The following DNAH6 variants were observed in gnomAD, a reference collection of about 807,000 sequenced individuals.
DNAH6 encodes the protein dynein axonemal heavy chain 6.
DNAH6 carries 340 observed loss-of-function variants against 491.4 expected under a neutral mutation model. That is an observed-to-expected ratio of 0.69 (90% confidence interval 0.63 to 0.76). The LOEUF (loss-of-function observed/expected upper bound fraction) is 0.76. Among genes scored for constraint, DNAH6 ranks in the 30% least tolerant of loss-of-function variants. The pLI is 0.00. For synonymous variants in DNAH6, 1,603 were observed against 1,686.1 expected (o/e 0.95, Z 1.21); for missense variants, 4,443 against 4,972.2 (o/e 0.89, Z 3.20).
At chr2:84,493,159 A>G in the DNAH6 span, among the ~76,000 whole-genome samples, 2,241 of 152,302 alleles carry the variant, frequency 0.015, 36 homozygotes, top group Middle Eastern at 0.092. Flanking sequence ...AAACACAGGT[A>G]GAAGTCTGGA....
At chr2:84,461,964 T>C in the DNAH6 span, among the ~76,000 whole-genome samples, 9 of 152,290 alleles carry the variant, frequency 5.9e-5, no homozygotes, top group East Asian at 1.2e-3. Flanking sequence ...ATTCACTGTA[T>C]GAGGGTGTGA....
At chr2:84,593,347 T>C (rs1479393475) in intron 16 of DNAH6, among the ~76,000 whole-genome samples, 1 of 152,150 alleles carries the variant, frequency 6.6e-6, no homozygotes, top group Non-Finnish European at 1.5e-5. Context: ...ATTCCTAATG[T>C]CAAAGCACAA....
At chr2:84,786,731 T>C (rs1011717055) in intron 67 of DNAH6, among the ~76,000 whole-genome samples, 2 of 152,230 alleles carry the variant, frequency 1.3e-5, no homozygotes, top group East Asian at 3.9e-4. Flanking sequence ...CAAAAAAATA[T>C]GATTCTGTGT....
intron 4 of DNAH6, among the ~76,000 whole-genome samples, chr2:84,540,550 G>A (rs1013541094): frequency 2.0e-5 from 3 of 152,042 alleles, no homozygotes; most frequent in Non-Finnish European, 4.4e-5. Context: ...GATTTCAGGA[G>A]GAGAAAAAAT....
intron 30 of DNAH6, among the ~76,000 whole-genome samples, chr2:84,636,111 T>C (rs1688854267): frequency 6.6e-6 from 1 of 152,200 alleles, no homozygotes; most frequent in African/African-American, 2.4e-5. Flanking sequence ...TCTCCCTGTC[T>C]GTAGCCTGTC....
In DNAH6 at chr2:84,616,869, T is replaced by C; in HGVS notation, c.3476-17T>C. On this transcript the variant is annotated splice_polypyrimidine_tract_variant and intron_variant, in intron 22 of 76. Transcript: ENST00000389394. ...TTTAACACAGTTTTACCAATACTATTTTTTTTTAATGAACAGGACTTCTGG... is the reference window on the plus strand; with the variant it reads ...TTTAACACAGTTTTACCAATACTATCTTTTTTTAATGAACAGGACTTCTGG... 1 of 1,383,566 alleles carries C rather than the reference T, an allele frequency of 7.2e-7. No homozygotes were observed. The highest frequency in any genetic ancestry group is 9.5e-7 in the Non-Finnish European group (1 of 1,049,568). The allele number at this position is 1,383,566 out of a possible 1,614,324, so 85.7% of individuals were successfully genotyped here.
Position 84,669,573 on chromosome 2 carries a change from C to T in DNAH6, c.6306+63C>T, listed in dbSNP as rs754417013. On this transcript the variant is annotated intron_variant, in intron 38 of 76. Transcript: ENST00000389394. ...TGTGAGGGCATGATGGACTTAGAAT[C>T]GTTAGCACCAGAAGTAATATTATTT... 7 of 1,326,166 alleles carry T rather than the reference C, an allele frequency of 5.3e-6. No homozygotes were observed. The East Asian group carries it at 7.5e-5, about 14-fold the overall frequency. The allele number at this position is 1,326,166 out of a possible 1,614,324, so 82.1% of individuals were successfully genotyped here. A position where few individuals can be genotyped will look rare whatever the true frequency, so the allele number is the denominator to read the frequency against.
chr2:84,725,209 T>A (rs1307652928), intron 60 of DNAH6, among the ~76,000 whole-genome samples: 1 of 152,206 alleles, frequency 6.6e-6, no homozygotes. Flanking sequence ...CTTCAGATAG[T>A]CAAACAATTC....
chr2:84,753,827 AT>A (rs373380346), intron 63 of DNAH6, among the ~76,000 whole-genome samples: 3,221 of 131,054 alleles, frequency 0.025, 36 homozygotes, highest in African/African-American at 0.055. Context: ...TTTTGAGTTA[AT>A]TTTTTTTTTT....
At chr2:84,608,380 T>C (rs1219890041) in intron 21 of DNAH6, among the ~76,000 whole-genome samples, 1 of 152,208 alleles carries the variant, frequency 6.6e-6, no homozygotes, top group African/African-American at 2.4e-5. Flanking sequence ...CTATGGCAGA[T>C]ATAGCCTTAC....
chr2:84,584,758 C>T (rs1367606288), intron 15 of DNAH6: 1 of 153,190 alleles, frequency 6.5e-6, no homozygotes, highest in African/African-American at 2.4e-5. Context: ...TTGCTTAATA[C>T]CTGGGTGATG....
chr2:84,597,702 A>T (rs187993458), intron 18 of DNAH6, among the ~76,000 whole-genome samples: 1 of 152,244 alleles, frequency 6.6e-6, no homozygotes, highest in East Asian at 1.9e-4. Context: ...AAAGTAGGGG[A>T]AAAAACAAAT....
chr2:84,637,495 T>A, intron 31 of DNAH6, 118 bp downstream of exon 31: 1 of 1,100,076 alleles, frequency 9.1e-7, no homozygotes, highest in Non-Finnish European at 1.2e-6. Flanking sequence ...TACACATTAT[T>A]AAGTGTAGAT....
chr2:84,632,768 T>C (rs1475070599), intron 29 of DNAH6, among the ~76,000 whole-genome samples: 3 of 152,232 alleles, frequency 2.0e-5, no homozygotes, highest in Non-Finnish European at 2.9e-5. Flanking sequence ...TATCTCTGAC[T>C]AATCCCTTTT....
At chr2:84,526,218 G>C (rs1676590295) in intron 3 of DNAH6, among the ~76,000 whole-genome samples, 1 of 151,702 alleles carries the variant, frequency 6.6e-6, no homozygotes, top group Admixed American at 6.6e-5. Flanking sequence ...AATATCTCTA[G>C]ATAACTGAAG....
chr2:84,724,617 G>A (rs1037020453), intron 60 of DNAH6, among the ~76,000 whole-genome samples: 3 of 152,200 alleles, frequency 2.0e-5, no homozygotes, highest in Admixed American at 6.5e-5. Flanking sequence ...AAATTCTCCA[G>A]CAAAGCCTGC....
Position 84,552,963 on chromosome 2 carries a change from C to T in DNAH6, c.1531C>T (p.Pro511Ser). Residue 511 changes from proline (P) to serine (S), a missense_variant, in exon 10 of 77, where the codon CCC (proline) becomes TCC (serine). Transcript: ENST00000389394. ...GCAAGAAGAAGATGAATCTCTCATC[C>T]CCATGTTTCTCACAGAACTAATGTT... ...EKQEEDESLI[P>S]MFLTELMLTV... is the part of the protein sequence containing the mutation. 6.2e-7 allele frequency: 1 copy of T among 1,612,126 alleles called. No homozygotes were observed. Among genetic ancestry groups the T allele is most frequent in the East Asian group, 2.2e-5 (1 of 44,712 alleles).
intron 61 of DNAH6, among the ~76,000 whole-genome samples, chr2:84,729,931 G>A (rs1698986356): frequency 6.6e-6 from 1 of 152,116 alleles, no homozygotes; most frequent in South Asian, 2.1e-4. Context: ...CAACTTCCAT[G>A]CATAAAACTT....
chr2:84,708,428 A>G (rs1415960892), intron 54 of DNAH6, among the ~76,000 whole-genome samples: 4 of 142,236 alleles, frequency 2.8e-5, no homozygotes, highest in African/African-American at 5.1e-5. Flanking sequence ...CTGAGCAGCA[A>G]GAGCAAAACT....
Sources: gnomAD v4.1 joint callset for allele counts (sites outside exome capture counted in the v4.1 genomes callset) on GRCh38, gnomAD v4.1.1 for gene constraint, MANE v1.5 for transcripts, NCBI Gene and HGNC (gene_info 2026-07-23, HGNC 2026-07-21) for gene names.